Variants in CHN2 observed in about 807,000 individuals in gnomAD.
CHN2 encodes the protein beta-chimaerin.
A neutral mutation model predicts 56.3 loss-of-function variants in CHN2; 35 were observed. The ratio of observed to expected loss-of-function variants is 0.62; its 90% CI spans 0.47 to 0.82. CHN2 has a LOEUF of 0.82. Among genes scored for constraint, CHN2 ranks in the 40% least tolerant of loss-of-function variants. The probability of loss-of-function intolerance (pLI) is 0.00; values close to 1 mark genes in which losing one functional copy is unlikely to be tolerated. For synonymous variants in CHN2, 210 were observed against 212.8 expected (o/e 0.99, Z 0.12); for missense variants, 491 against 580.5 (o/e 0.85, Z 1.58).
chr7:29,495,044 T>C (rs1271918234), intron 7 of CHN2, among the ~76,000 whole-genome samples: 2 of 150,964 alleles, frequency 1.3e-5, no homozygotes, highest in African/African-American at 2.4e-5. Context: ...TAATGCTTTA[T>C]AACATTTTAA....
chr7:29,492,757 C>T (rs1258471500), intron 7 of CHN2, among the ~76,000 whole-genome samples: 1 of 152,216 alleles, frequency 6.6e-6, no homozygotes, highest in African/African-American at 2.4e-5. Flanking sequence ...AGTCTTACTT[C>T]TACCCTCAGC....
intron 3 of CHN2, among the ~76,000 whole-genome samples, chr7:29,373,937 T>G (rs887506649): frequency 1.8e-4 from 28 of 152,132 alleles, no homozygotes; most frequent in Admixed American, 1.3e-4. Flanking sequence ...TAAAACAAAG[T>G]GCATTTGGGG....
intron 1 of CHN2, among the ~76,000 whole-genome samples, chr7:29,349,910 A>G (rs769218848): frequency 1.4e-4 from 22 of 152,180 alleles, no homozygotes; most frequent in Non-Finnish European, 2.8e-4. Context: ...ATTATGCTTC[A>G]TCTTGTCACT....
At chr7:29,393,115 A>G (rs114397157) in intron 3 of CHN2, among the ~76,000 whole-genome samples, 31 of 152,370 alleles carry the variant, frequency 2.0e-4, no homozygotes, top group African/African-American at 7.5e-4. Flanking sequence ...GTTTTAGTCA[A>G]GTCATAAATC....
intron 6 of CHN2, among the ~76,000 whole-genome samples, chr7:29,449,105 TA>T (rs2128129423): frequency 6.6e-6 from 1 of 152,344 alleles, no homozygotes; most frequent in South Asian, 2.1e-4. Context: ...TTTGCAGCAT[TA>T]AGTTATTTGC....
At position 29,287,740 on chromosome 7, in the gene CHN2, C is replaced by T. The variant is rs563144080; in HGVS notation, c.50-66885C>T. 5.3e-5 allele frequency among the ~76,000 whole-genome samples: 8 copies of T among 152,272 alleles called. No individual in the cohort carries two copies. In the South Asian group the frequency reaches 8.3e-4, roughly 16 times the overall value. ...CCCAAAGAGTCCTAACTAGTAGACT[C>T]AGTGAAATCAAATTCATATTCAGGT... is the stretch of plus-strand genomic sequence containing the variant. On this transcript the variant is annotated intron_variant, in intron 1 of 12. Transcript: ENST00000222792.
At chr7:29,349,445 G>A (rs1024460166) in intron 1 of CHN2, among the ~76,000 whole-genome samples, 1 of 152,084 alleles carries the variant, frequency 6.6e-6, no homozygotes. Context: ...GACAGAGCTG[G>A]GTTTTAAACC....
At chr7:29,475,924 G>C (rs2128535263) in intron 6 of CHN2, among the ~76,000 whole-genome samples, 1 of 152,278 alleles carries the variant, frequency 6.6e-6, no homozygotes, top group Middle Eastern at 3.4e-3. Context: ...GTTTCATTTT[G>C]GGGTGATGAA....
intron 6 of CHN2, among the ~76,000 whole-genome samples, chr7:29,424,702 A>G (rs1438041812): frequency 6.6e-6 from 1 of 152,188 alleles, no homozygotes; most frequent in Non-Finnish European, 1.5e-5. Context: ...CTTTTTTAAA[A>G]AAAATCTGTT....
chr7:29,402,665 A>C (rs1210876576), intron 6 of CHN2, among the ~76,000 whole-genome samples: 1 of 152,212 alleles, frequency 6.6e-6, no homozygotes, highest in Admixed American at 6.5e-5. Flanking sequence ...CAGGATGCAC[A>C]CTAGAACAGC....
chr7:29,215,310 A>C (rs1785249865), intron 1 of CHN2, among the ~76,000 whole-genome samples: 1 of 152,202 alleles, frequency 6.6e-6, no homozygotes, highest in Non-Finnish European at 1.5e-5. Flanking sequence ...AAGAAGCCTG[A>C]GGCCGTCCTC....
chr7:29,225,522 T>C (rs1228068329), intron 1 of CHN2, among the ~76,000 whole-genome samples: 2 of 152,178 alleles, frequency 1.3e-5, no homozygotes. Flanking sequence ...CAGAGATGTG[T>C]ATATGCATGT....
At chr7:29,322,750 C>T (rs576100680) in intron 1 of CHN2, among the ~76,000 whole-genome samples, 3 of 152,266 alleles carry the variant, frequency 2.0e-5, no homozygotes, top group South Asian at 2.1e-4. Context: ...TAGTCAGGGA[C>T]GGCCTAGAGT....
At chr7:29,297,888 G>C (rs1478363072) in intron 1 of CHN2, among the ~76,000 whole-genome samples, 1 of 152,182 alleles carries the variant, frequency 6.6e-6, no homozygotes, top group Non-Finnish European at 1.5e-5. Flanking sequence ...AGTCCCAGGG[G>C]TTCAGGATGC....
intron 1 of CHN2, among the ~76,000 whole-genome samples, chr7:29,263,089 G>C (rs245986): frequency 0.019 from 2,895 of 152,300 alleles, 32 homozygotes; most frequent in Middle Eastern, 0.031. Context: ...GCCGAGGCTG[G>C]ACTGTACTGC....
chr7:29,393,511 C>T (rs1402655288), intron 3 of CHN2, among the ~76,000 whole-genome samples, 168 bp from the exon 4 acceptor site: 2 of 152,132 alleles, frequency 1.3e-5, no homozygotes, highest in African/African-American at 4.8e-5. Context: ...CTACCTGATA[C>T]TGGAATGTGC....
intron 10 of CHN2, among the ~76,000 whole-genome samples, chr7:29,505,760 C>T (rs1418182508): frequency 6.6e-6 from 1 of 152,192 alleles, no homozygotes; most frequent in Non-Finnish European, 1.5e-5. Flanking sequence ...AGCAATCTTC[C>T]TATTTCCTTG....
chr7:29,447,404 G>T (rs781357698), intron 6 of CHN2, among the ~76,000 whole-genome samples: 1 of 152,096 alleles, frequency 6.6e-6, no homozygotes, highest in Non-Finnish European at 1.5e-5. Flanking sequence ...AACTATCCAG[G>T]AATTTTTTTA....
chr7:29,480,321 AACC>A lies in CHN2; in HGVS notation c.622_624del (p.His208del), dbSNP rs752051413. 1.2e-6 allele frequency: 2 copies of A among 1,614,180 alleles called. No homozygotes were observed. The highest frequency in any genetic ancestry group is 1.7e-6 in the Non-Finnish European group (2 of 1,180,040). On this transcript the variant is annotated inframe_deletion, in exon 7 of 13. Coordinates refer to ENST00000222792, the MANE Select transcript of CHN2 (RefSeq NM_004067.4). ...AAGGGCTGCCCTCACACACAACGAC[AACC>A]ACTTCAATTATGAGAAGACACACAA...
Sources: gnomAD v4.1 joint callset for allele counts (sites outside exome capture counted in the v4.1 genomes callset) on GRCh38, gnomAD v4.1.1 for gene constraint, MANE v1.5 for transcripts, NCBI Gene and HGNC (gene_info 2026-07-23, HGNC 2026-07-21) for gene names.